The following QSER1 variants were observed in gnomAD, a reference collection of about 807,000 sequenced individuals.
QSER1 encodes the protein glutamine and serine rich 1, also known as glutamine and serine-rich protein 1.
Under a neutral mutation model 158.5 loss-of-function variants are expected in QSER1, and 49 were observed. That is an observed-to-expected ratio of 0.31 (90% CI 0.25 to 0.39). QSER1 has a LOEUF of 0.39. QSER1 is among the 10% of genes least tolerant of loss of function. The pLI is 1.00. For missense variants in QSER1, 1,754 were observed against 2,010.3 expected (o/e 0.87, Z 2.44); for synonymous variants, 650 against 715.5 (o/e 0.91, Z 1.46).
At chr11:32,959,713 C>G (rs961465420) in intron 8 of QSER1, among the ~76,000 whole-genome samples, 1 of 151,856 alleles carries the variant, frequency 6.6e-6, no homozygotes, top group African/African-American at 2.4e-5. Context: ...AGAAATAGAA[C>G]CATAATAAAA....
At chr11:32,905,249 A>ATTT (rs1451865068) in intron 1 of QSER1, among the ~76,000 whole-genome samples, 1 of 152,222 alleles carries the variant, frequency 6.6e-6, no homozygotes, top group Non-Finnish European at 1.5e-5. Flanking sequence ...TTGAGACCAG[A>ATTT]TTTGTCTGAC....
chr11:32,974,532 A>C (rs950417354), intron 11 of QSER1, among the ~76,000 whole-genome samples: 2 of 152,198 alleles, frequency 1.3e-5, no homozygotes, highest in African/African-American at 2.4e-5. Flanking sequence ...ATTATGTACC[A>C]CCAGTGTGAG....
intron 1 of QSER1, chr11:32,925,858 C>T (rs548493253): frequency 2.0e-5 from 3 of 152,206 alleles, no homozygotes; most frequent in African/African-American, 7.2e-5. Context: ...GATACATTAC[C>T]TTAACGACTT....
chr11:32,895,674 CCTGT>C (rs1314210384), intron 1 of QSER1, among the ~76,000 whole-genome samples: 1 of 152,120 alleles, frequency 6.6e-6, no homozygotes, highest in African/African-American at 2.4e-5. Flanking sequence ...AAAGAATTAG[CCTGT>C]CTGTCACCTT....
chr11:32,974,021 A>G (rs889162382), intron 11 of QSER1, among the ~76,000 whole-genome samples: 1 of 152,246 alleles, frequency 6.6e-6, no homozygotes, highest in Admixed American at 6.5e-5. Flanking sequence ...TGTTTATTTC[A>G]TATCTGCAAA....
rs146535044 is a variant in QSER1, at chr11:32,961,184, C to T, written c.4969+3098C>T. 2.3e-3 allele frequency among the ~76,000 whole-genome samples: 343 copies of T among 152,080 alleles called. 2 individuals carry two copies. Among genetic ancestry groups the T allele is most frequent in the African/African-American group, 7.6e-3 (315 of 41,484 alleles). ...TTTTGGCTAAAGTATCAAGAATATC[C>T]GTACTTAACTGAGAAAGCAATGGAA... On this transcript the variant is annotated intron_variant, in intron 8 of 12. Transcript: ENST00000650167.
intron 1 of QSER1, among the ~76,000 whole-genome samples, chr11:32,914,951 G>T (rs1260420371): frequency 6.6e-6 from 1 of 152,110 alleles, no homozygotes; most frequent in Non-Finnish European, 1.5e-5. Context: ...AGACAGTCTT[G>T]CTCTGTTCCC....
At chr11:32,930,018 A>G (rs1007469757) in intron 3 of QSER1, among the ~76,000 whole-genome samples, 2 of 152,266 alleles carry the variant, frequency 1.3e-5, no homozygotes, top group African/African-American at 2.4e-5. Context: ...TTCTTTAAAC[A>G]TGATTTGACA....
At chr11:32,912,560 G>A (rs1256198791) in intron 1 of QSER1, among the ~76,000 whole-genome samples, 3 of 152,058 alleles carry the variant, frequency 2.0e-5, no homozygotes, top group Non-Finnish European at 4.4e-5. Context: ...AGATCTGGAT[G>A]TATATAGTTT....
chr11:32,934,137 G>A lies in QSER1; in HGVS notation c.2879G>A (p.Gly960Glu). The A allele has an allele frequency of 6.2e-7, 1 of 1,613,996 alleles. No homozygotes were observed. Among genetic ancestry groups the A allele is most frequent in the Non-Finnish European group, 8.5e-7 (1 of 1,179,986 alleles). The stretch of plus-strand genomic sequence containing the variant: ...TCAAAGAATCAGTTTGTTTCTCTTG[G>A]ATCGATGTGTTTCCCAGAGGCAGTG... The part of the protein sequence containing the change: ...HDSKNQFVSL[G>E]SMCFPEAVLL... Residue 960 changes from glycine to glutamate, a missense_variant, in exon 4 of 13, where the codon GGA (glycine) becomes GAA (glutamate). Physicochemically the swap from Gly to Glu is moderately conservative, Grantham distance 98. Coordinates refer to ENST00000650167, the MANE Select transcript of QSER1 (RefSeq NM_001076786.3).
At chr11:32,954,252 C>G in intron 5 of QSER1, 73 bp downstream of exon 5, 2 of 1,496,636 alleles carry the variant, frequency 1.3e-6, no homozygotes, top group African/African-American at 2.8e-5. Context: ...ATTATGACTT[C>G]AATAGCATGC....
At chr11:32,970,331 G>C (rs986388822) in intron 10 of QSER1, among the ~76,000 whole-genome samples, 3 of 152,036 alleles carry the variant, frequency 2.0e-5, no homozygotes, top group Admixed American at 1.3e-4. Context: ...TTCGCAGGAA[G>C]AAAAAAAATT....
At chr11:32,914,844 A>C (rs572326609) in intron 1 of QSER1, among the ~76,000 whole-genome samples, 1 of 152,224 alleles carries the variant, frequency 6.6e-6, no homozygotes, top group African/African-American at 2.4e-5. Context: ...GAAGTTGACT[A>C]AAAAATGGTC....
At chr11:32,895,817 T>TA (rs1851547109) in intron 1 of QSER1, among the ~76,000 whole-genome samples, 1 of 152,218 alleles carries the variant, frequency 6.6e-6, no homozygotes, top group Admixed American at 6.5e-5. Context: ...GATGGGAAGG[T>TA]ACATGATAAA....
intron 1 of QSER1, among the ~76,000 whole-genome samples, chr11:32,900,008 C>A (rs905930897): frequency 6.6e-6 from 1 of 152,136 alleles, no homozygotes; most frequent in Non-Finnish European, 1.5e-5. Flanking sequence ...TACTCCATTG[C>A]TTATGTCCAG....
chr11:32,950,544 T>G (rs1852405477), intron 4 of QSER1, among the ~76,000 whole-genome samples: 1 of 152,270 alleles, frequency 6.6e-6, no homozygotes, highest in Non-Finnish European at 1.5e-5. Context: ...TGAAGTATTT[T>G]TTAATAGTTT....
chr11:32,901,152 C>G (rs190923499), intron 1 of QSER1, among the ~76,000 whole-genome samples: 1 of 152,322 alleles, frequency 6.6e-6, no homozygotes, highest in East Asian at 1.9e-4. Context: ...CTTAACCTCT[C>G]TGTGCCTCAG....
At chr11:32,904,490 A>G (rs1372137614) in intron 1 of QSER1, among the ~76,000 whole-genome samples, 1 of 152,026 alleles carries the variant, frequency 6.6e-6, no homozygotes, top group Non-Finnish European at 1.5e-5. Context: ...GCGCCCAGCC[A>G]GTAGTAAGCA....
At chr11:32,967,401 A>G (rs1852769594) in intron 9 of QSER1, among the ~76,000 whole-genome samples, 2 of 152,162 alleles carry the variant, frequency 1.3e-5, no homozygotes, top group Admixed American at 1.3e-4. Flanking sequence ...TGATGGATGC[A>G]CTAAAATCCC....
Sources: gnomAD v4.1 joint callset for allele counts (sites outside exome capture counted in the v4.1 genomes callset) on GRCh38, gnomAD v4.1.1 for gene constraint, MANE v1.5 for transcripts, NCBI Gene and HGNC (gene_info 2026-07-23, HGNC 2026-07-21) for gene names.